Variants in KRT77 observed in about 807,000 individuals in gnomAD.
KRT77 encodes keratin, type II cytoskeletal 1b.
A neutral mutation model predicts 51.5 loss-of-function variants in KRT77; 44 were observed. The ratio of observed to expected loss-of-function variants is 0.85; its 90% CI spans 0.67 to 1.10. The LOEUF (loss-of-function observed/expected upper bound fraction) is 1.10, where lower values mean the gene tolerates loss of function less well. KRT77 is among the 50% of genes least tolerant of loss of function. The pLI is 0.00. For synonymous variants in KRT77, 293 were observed against 302.0 expected (o/e 0.97, Z 0.31); for missense variants, 763 against 743.9 (o/e 1.03, Z -0.30).
Position 52,703,476 on chromosome 12 carries a change from T to C in KRT77, c.-42A>G, listed in dbSNP as rs1409349570. ...AGAGAAGCAGGCAAGAGAAAGAGCC[T>C]GGCAGGAAGGAGGCAGAGACCAGAG... On this transcript the variant is annotated 5_prime_UTR_variant, in exon 1 of 9. Transcript: ENST00000341809. The C allele has an allele frequency of 2.0e-6, 3 of 1,521,682 alleles. No individual in the cohort carries two copies. The highest frequency in any genetic ancestry group is 2.6e-6 in the Non-Finnish European group (3 of 1,133,340). The allele number at this position is 1,521,682 out of a possible 1,614,324, so 94.3% of individuals were successfully genotyped here.
At position 52,690,567 on chromosome 12, in the gene KRT77, C is replaced by G. The variant is rs1941688340; in HGVS notation, c.*598G>C. On this transcript the variant is annotated 3_prime_UTR_variant, in exon 9 of 9. Coordinates refer to ENST00000341809, the MANE Select transcript of KRT77 (RefSeq NM_175078.3). Reference sequence around the variant, plus strand: ...GATCATTATGTGGTCCCCAGCAGGGCAGGGGGGCGTGGATTCTTGTTCACA... The same window carrying G: ...GATCATTATGTGGTCCCCAGCAGGGGAGGGGGGCGTGGATTCTTGTTCACA... The G allele has an allele frequency of 6.3e-6, 1 of 158,502 alleles. No homozygotes were observed. The highest frequency in any genetic ancestry group is 1.4e-5 in the Non-Finnish European group (1 of 71,746). 9.8% of individuals were successfully genotyped at this position (158,502 alleles called of 1,614,324 possible).
In KRT77 at chr12:52,694,763, T is replaced by C. The variant is rs1337649286; in HGVS notation, c.943A>G (p.Ser315Gly). The change falls in exon 5 of 9, where the codon AGC becomes GGC. Residue 315 changes from serine to glycine, a missense_variant. By Grantham distance (56) the Ser-to-Gly change is moderately conservative. Transcript: ENST00000341809. The stretch of plus-strand genomic sequence containing the variant: ...ATGGACAGGATGACGTTGGTGTCGC[T>C]GATGTGAGTCTGCACCTGAGACAGC... ...TELSQVQTHI[S>G]DTNVILSMDN... 1 of 1,610,714 alleles carries C rather than the reference T, an allele frequency of 6.2e-7. No individual in the cohort carries two copies. Among genetic ancestry groups the C allele is most frequent in the African/African-American group, 1.3e-5 (1 of 74,816 alleles).
At position 52,693,907 on chromosome 12, in the gene KRT77, C is replaced by T. The variant is rs776540517; in HGVS notation, c.1080+719G>A. Among the ~76,000 whole-genome samples the T allele has an allele frequency of 5.9e-5, 8 of 136,308 alleles. 1 individual carries two copies. Among genetic ancestry groups the T allele is most frequent in the African/African-American group, 9.9e-5 (4 of 40,236 alleles). The allele number at this position is 136,308 out of a possible 152,430, so 89.4% of individuals were successfully genotyped here. A position where few individuals can be genotyped will look rare whatever the true frequency, so the allele number is the denominator to read the frequency against. ...CAAAAATTAGCTTGGTGTAGTGGCG[C>T]GTGCCTGTAATCCCAGCTACTCAGG... On this transcript the variant is annotated intron_variant, in intron 5 of 8. Coordinates refer to ENST00000341809, the MANE Select transcript of KRT77 (RefSeq NM_175078.3).
At position 52,691,395 on chromosome 12, in the gene KRT77, C is replaced by G; in HGVS notation, c.1507G>C (p.Gly503Arg). Reference protein sequence around the residue: ...QVSVNGGAGGGGSYGSGGYGG... With the variant: ...QVSVNGGAGGRGSYGSGGYGG... ...TAGCCTCCTGAGCCGTAGCTGCCGC[C>G]GCCTCCCGCGCCGCCGTTGACGCTC... The change falls in exon 9 of 9, where the codon GGC becomes CGC. Residue 503 changes from glycine to arginine, a missense_variant. By Grantham distance (125) the Gly-to-Arg change is moderately radical. Transcript: ENST00000341809. The G allele has an allele frequency of 1.9e-6, 3 of 1,599,742 alleles. No individual in the cohort carries two copies. Among genetic ancestry groups the G allele is most frequent in the Non-Finnish European group, 2.5e-6 (3 of 1,176,876 alleles).
intron 8 of KRT77, among the ~76,000 whole-genome samples, 167 bp downstream of exon 8, chr12:52,691,771 T>A (rs1336082888): frequency 6.6e-6 from 1 of 152,258 alleles, no homozygotes; most frequent in Non-Finnish European, 1.5e-5. Context: ...ACCATTTATT[T>A]CAAATGAATT....
rs547505677 is a variant in KRT77 at position 52,691,489 on chromosome 12, C to T, written c.1463-50G>A. 4.0e-6 allele frequency: 6 copies of T among 1,503,046 alleles called. No homozygotes were observed. In the African/African-American group the frequency reaches 5.5e-5, roughly 14 times the overall value. The allele number at this position is 1,503,046 out of a possible 1,614,324, so 93.1% of individuals were successfully genotyped here. A position where few individuals can be genotyped will look rare whatever the true frequency, so the allele number is the denominator to read the frequency against. On this transcript the variant is annotated intron_variant, in intron 8 of 8. Coordinates refer to ENST00000341809, the MANE Select transcript of KRT77 (RefSeq NM_175078.3). Reference sequence around the variant, plus strand: ...GGGGTCAGAGGGACCGGGCAAGGCCCCCACCTGCACCCGCCCCTGCACCTG... The same window carrying T: ...GGGGTCAGAGGGACCGGGCAAGGCCTCCACCTGCACCCGCCCCTGCACCTG...
chr12:52,698,266 T>G (rs1941830693), intron 1 of KRT77: 1 of 600,242 alleles, frequency 1.7e-6, no homozygotes, highest in South Asian at 1.5e-5. Flanking sequence ...TTTCTCTTTG[T>G]GGTCAAAATG....
chr12:52,696,493 T>C lies in KRT77; in HGVS notation c.759-63A>G. On this transcript the variant is annotated intron_variant, in intron 2 of 8. Transcript: ENST00000341809. ...GCTGACCTTGGCTCCCTGAGGTCCC[T>C]CCTTACAGCAGAAAGCTTGGAATTC... 2.2e-6 allele frequency: 3 copies of C among 1,341,682 alleles called. No homozygotes were observed. In the South Asian group the frequency reaches 3.5e-5, roughly 16 times the overall value. The allele number at this position is 1,341,682 out of a possible 1,614,324, so 83.1% of individuals were successfully genotyped here.
chr12:52,691,692 T>G (rs1301576220), intron 8 of KRT77, among the ~76,000 whole-genome samples: 3 of 152,258 alleles, frequency 2.0e-5, no homozygotes, highest in African/African-American at 7.2e-5. Context: ...TAGCCGCTGC[T>G]GATTCCTCCT....
Position 52,697,880 on chromosome 12 carries a change from T to G in KRT77, c.560A>C (p.Gln187Pro), listed in dbSNP as rs752544092. The G allele has an allele frequency of 6.2e-6, 10 of 1,613,776 alleles. No homozygotes were observed. The highest frequency in any genetic ancestry group is 8.5e-6 in the Non-Finnish European group (10 of 1,179,900). ...SFIDKVRFLE[Q>P]QNQVLQTKWE... ...TTTTGTTTGTAGCACCTGGTTCTGC[T>G]GCTCCAGGAATCGCACCTAAGAGCA... The change falls in exon 2 of 9, where the codon CAG becomes CCG. Residue 187 changes from glutamine (Q) to proline (P), a missense_variant. By Grantham distance (76) the Gln-to-Pro change is moderately conservative (BLOSUM62 -1). Coordinates refer to ENST00000341809, the MANE Select transcript of KRT77 (RefSeq NM_175078.3).
Position 52,691,163 on chromosome 12 carries a change from C to T in KRT77, c.*2G>A. The stretch of plus-strand genomic sequence containing the variant: ...GCGTGATGTGTGGCAGAAACGAGGC[C>T]TCTACTCCAAGATCCGCCTGTGGGA... On this transcript the variant is annotated 3_prime_UTR_variant, in exon 9 of 9. Coordinates refer to ENST00000341809, the MANE Select transcript of KRT77 (RefSeq NM_175078.3). 6.2e-7 allele frequency: 1 copy of T among 1,614,022 alleles called. No homozygotes were observed. Among genetic ancestry groups the T allele is most frequent in the South Asian group, 1.1e-5 (1 of 91,084 alleles).
chr12:52,701,701 C>G (rs1482745944), intron 1 of KRT77, among the ~76,000 whole-genome samples: 1 of 152,228 alleles, frequency 6.6e-6, no homozygotes, highest in Non-Finnish European at 1.5e-5. Context: ...GTTCTCCAGC[C>G]TCTGCTGCTG....
intron 1 of KRT77, among the ~76,000 whole-genome samples, chr12:52,699,676 C>A (rs569382100): frequency 2.0e-5 from 3 of 152,364 alleles, no homozygotes; most frequent in Non-Finnish European, 4.4e-5. Context: ...CTTTGCCCAG[C>A]AAACTCCTGC....
chr12:52,693,008 G>A, intron 5 of KRT77, 128 bp from the exon 6 acceptor site: 1 of 1,054,386 alleles, frequency 9.5e-7, no homozygotes, highest in African/African-American at 1.5e-5. Flanking sequence ...ACCCCTACAT[G>A]CATACTCACA....
In KRT77 at chr12:52,701,784, T is replaced by C. The variant is rs116087244; in HGVS notation, c.543+1108A>G. Among the ~76,000 whole-genome samples, 733 of 152,308 alleles carry C rather than the reference T, an allele frequency of 4.8e-3. 13 individuals are homozygous for C. The highest frequency in any genetic ancestry group is 0.017 in the African/African-American group (699 of 41,564). On this transcript the variant is annotated intron_variant, in intron 1 of 8. Transcript: ENST00000341809. ...TCTGTGTCTCCATCTGGCCCATCCT[T>C]GGCCCTTGATGAGCCAAAAGGGGAA... is the stretch of plus-strand genomic sequence containing the variant.
intron 1 of KRT77, among the ~76,000 whole-genome samples, chr12:52,702,457 G>C (rs1307675448): frequency 6.6e-6 from 1 of 150,750 alleles, no homozygotes; most frequent in Non-Finnish European, 1.5e-5. Context: ...TGTGTGGATG[G>C]GTGGGTGGAT....
At chr12:52,691,718 A>G (rs936906370) in intron 8 of KRT77, among the ~76,000 whole-genome samples, 3 of 152,268 alleles carry the variant, frequency 2.0e-5, no homozygotes, top group African/African-American at 7.2e-5. Context: ...TCATTTAATA[A>G]AAAGGCATCA....
At chr12:52,695,667 C>T (rs1297577071) in intron 4 of KRT77, 105 bp downstream of exon 4, 7 of 622,646 alleles carry the variant, frequency 1.1e-5, no homozygotes, top group Non-Finnish European at 1.9e-5. Flanking sequence ...GGAGATGAGT[C>T]CCTAGTGGGA....
chr12:52,697,359 TA>T (rs758626999), intron 2 of KRT77, among the ~76,000 whole-genome samples: 1 of 152,218 alleles, frequency 6.6e-6, no homozygotes, highest in Non-Finnish European at 1.5e-5. Flanking sequence ...CCCACATTAC[TA>T]ATGTGAACAC....
Sources: allele counts gnomAD v4.1 joint callset (sites outside exome capture counted in the v4.1 genomes callset), GRCh38; gene constraint gnomAD v4.1.1; transcripts MANE v1.5; gene names NCBI Gene and HGNC (gene_info 2026-07-23, HGNC 2026-07-21).